The following ST8SIA2 variants were observed in gnomAD, a reference collection of about 807,000 sequenced individuals.
ST8SIA2 encodes alpha-2,8-sialyltransferase 8B.
ST8SIA2 carries 22 observed loss-of-function variants against 37.6 expected under a neutral mutation model. The observed-to-expected ratio is 0.58, with a 90% CI of 0.42 to 0.83. The LOEUF is 0.83. Among genes scored for constraint, ST8SIA2 ranks in the 40% least tolerant of loss-of-function variants. The probability of loss-of-function intolerance (pLI) is 0.00; values close to 1 mark genes in which losing one functional copy is unlikely to be tolerated. For synonymous variants in ST8SIA2, 205 were observed against 201.2 expected (o/e 1.02, Z -0.16); for missense variants, 382 against 484.7 (o/e 0.79, Z 1.99).
chr15:92,436,816 C>A (rs11634070), intron 3 of ST8SIA2, among the ~76,000 whole-genome samples: 33,239 of 152,054 alleles, frequency 0.22, 5,880 homozygotes, highest in African/African-American at 0.48. Flanking sequence ...ATGGATGAGA[C>A]GCGCCGAGCT....
chr15:92,415,495 T>C (rs1211506668), intron 1 of ST8SIA2, among the ~76,000 whole-genome samples: 1 of 151,776 alleles, frequency 6.6e-6, no homozygotes, highest in Non-Finnish European at 1.5e-5. Context: ...GTCACAGATA[T>C]AAGTGATGAC....
chr15:92,434,478 T>C (rs935871126), intron 3 of ST8SIA2, 103 bp downstream of exon 3: 37 of 1,538,738 alleles, frequency 2.4e-5, no homozygotes, highest in Non-Finnish European at 3.3e-5. Context: ...AGAAATAAAA[T>C]GTTTACCTCC....
At chr15:92,402,037 G>T (rs946804125) in intron 1 of ST8SIA2, among the ~76,000 whole-genome samples, 2 of 152,074 alleles carry the variant, frequency 1.3e-5, no homozygotes, top group Non-Finnish European at 2.9e-5. Context: ...ATACTAAGAT[G>T]TCCTTTCTTT....
At chr15:92,451,549 A>G (rs189983068) in intron 5 of ST8SIA2, among the ~76,000 whole-genome samples, 42 of 152,236 alleles carry the variant, frequency 2.8e-4, no homozygotes, top group African/African-American at 7.9e-4. Flanking sequence ...CCCCTTCACA[A>G]CAAAGGCATT....
At chr15:92,447,496 G>A (rs1381433783) in intron 5 of ST8SIA2, among the ~76,000 whole-genome samples, 2 of 152,172 alleles carry the variant, frequency 1.3e-5, no homozygotes, top group Non-Finnish European at 2.9e-5. Flanking sequence ...AGATCACCAG[G>A]GATGTGAGGG....
In ST8SIA2 at chr15:92,444,948, G is replaced by A. The variant is rs893690733; in HGVS notation, c.842+19G>A. On this transcript the variant is annotated intron_variant, in intron 5 of 5. Coordinates refer to ENST00000268164, the MANE Select transcript of ST8SIA2 (RefSeq NM_006011.4). ...TTCGCGGGTGAGCGGCCTCCCTACA[G>A]GCCAGTAGGACCGTCACTAAGTGTG... is the stretch of plus-strand genomic sequence containing the variant. 3.1e-6 allele frequency: 5 copies of A among 1,606,386 alleles called. No individual in the cohort carries two copies. In the African/African-American group the frequency reaches 5.3e-5, roughly 17 times the overall value.
At chr15:92,395,114 A>G (rs1020725385) in intron 1 of ST8SIA2, among the ~76,000 whole-genome samples, 1 of 152,034 alleles carries the variant, frequency 6.6e-6, no homozygotes, top group Admixed American at 6.5e-5. Context: ...CCCTCTCCGG[A>G]ACCTCCAAAG....
intron 1 of ST8SIA2, among the ~76,000 whole-genome samples, chr15:92,427,977 G>T (rs964634570): frequency 6.6e-6 from 1 of 152,146 alleles, no homozygotes; most frequent in African/African-American, 2.4e-5. Context: ...AGGGAGACTC[G>T]GTCTCAAAAA....
At chr15:92,437,058 C>CT (rs2141833371) in intron 3 of ST8SIA2, among the ~76,000 whole-genome samples, 1 of 152,338 alleles carries the variant, frequency 6.6e-6, no homozygotes, top group African/African-American at 2.4e-5. Context: ...ATCCAGCAGG[C>CT]TTTCAGGCCT....
At chr15:92,438,746 C>T in intron 4 of ST8SIA2, 136 bp downstream of exon 4, 2 of 1,258,968 alleles carry the variant, frequency 1.6e-6, no homozygotes, top group Non-Finnish European at 2.1e-6. Flanking sequence ...CATGACTGCT[C>T]ATCAGAATCA....
intron 4 of ST8SIA2, among the ~76,000 whole-genome samples, chr15:92,440,698 G>A (rs905443427): frequency 6.6e-6 from 1 of 152,134 alleles, no homozygotes; most frequent in East Asian, 1.9e-4. Flanking sequence ...ATACCCAGCA[G>A]TGGCACTAGC....
At chr15:92,410,197 C>G (rs1426026415) in intron 1 of ST8SIA2, among the ~76,000 whole-genome samples, 1 of 152,250 alleles carries the variant, frequency 6.6e-6, no homozygotes, top group Admixed American at 6.5e-5. Flanking sequence ...CAGTGGAGTT[C>G]AGCCTCACTG....
rs200051711 is a variant in ST8SIA2, at chr15:92,440,928, C to T, written c.548+2318C>T. On this transcript the variant is annotated intron_variant, in intron 4 of 5. Transcript: ENST00000268164. ...TGTTAATTCCCCATGGACTCTGTCT[C>T]CACTCCACCCACCTCACCCCCAGGT... Among the ~76,000 whole-genome samples the T allele has an allele frequency of 1.7e-3, 262 of 152,332 alleles. 9 individuals carry two copies. The East Asian group carries it at 0.046, about 26-fold the overall frequency.
rs1444962214 is a variant in ST8SIA2, at chr15:92,434,358, G to A, written c.273G>A (p.Thr91=). Residue 91 remains threonine (T), a synonymous_variant, in exon 3 of 6, where the codon ACG becomes ACA. Transcript: ENST00000268164. ...CGTCCAAATGGAGACATAACCAGAC[G>A]CTCTCTCTGAGGATCAGGTACTGGT... ...PASSKWRHNQ[T]LSLRIRKQIL... 10 of 1,613,998 alleles carry A rather than the reference G, an allele frequency of 6.2e-6. No individual in the cohort carries two copies. Among genetic ancestry groups the A allele is most frequent in the South Asian group, 3.3e-5 (3 of 91,074 alleles).
intron 1 of ST8SIA2, 109 bp downstream of exon 1, chr15:92,394,271 T>A: frequency 1.0e-6 from 1 of 992,430 alleles, no homozygotes. Context: ...CCGCTGTAGC[T>A]CCGCTGGAGA....
chr15:92,427,288 T>TTAA (rs1226033256), intron 1 of ST8SIA2, among the ~76,000 whole-genome samples: 1 of 143,954 alleles, frequency 6.9e-6, no homozygotes, highest in Non-Finnish European at 1.5e-5. Context: ...AAAGCAAAGA[T>TTAA]TAATGCATCC....
intron 1 of ST8SIA2, among the ~76,000 whole-genome samples, chr15:92,412,727 G>A (rs543043237): frequency 6.6e-6 from 1 of 152,248 alleles, no homozygotes; most frequent in South Asian, 2.1e-4. Flanking sequence ...GTGCGATCTT[G>A]GCTCACTGCA....
chr15:92,426,845 T>G (rs1245111211), intron 1 of ST8SIA2, among the ~76,000 whole-genome samples: 1 of 152,234 alleles, frequency 6.6e-6, no homozygotes, highest in Non-Finnish European at 1.5e-5. Context: ...TCCCAGCACT[T>G]TGGGAAGCCA....
chr15:92,458,635 C>G (rs2049935975), intron 5 of ST8SIA2, among the ~76,000 whole-genome samples: 1 of 152,188 alleles, frequency 6.6e-6, no homozygotes, highest in Non-Finnish European at 1.5e-5. Context: ...ACAGAGGCAG[C>G]AGGACCAACG....
Sources: allele counts gnomAD v4.1 joint callset (sites outside exome capture counted in the v4.1 genomes callset), GRCh38; gene constraint gnomAD v4.1.1; transcripts MANE v1.5; gene names NCBI Gene and HGNC (gene_info 2026-07-23, HGNC 2026-07-21).